Variants in CLIC2 observed in about 807,000 individuals in gnomAD.
CLIC2 encodes CLIC family member 2.
A neutral mutation model predicts 14.8 loss-of-function variants in CLIC2; 9 were observed. The ratio of observed to expected loss-of-function variants is 0.61; its 90% CI spans 0.37 to 1.06. The LOEUF is 1.06. CLIC2 is among the 50% of genes least tolerant of loss of function. The pLI is 0.01. For missense variants in CLIC2, 148 were observed against 181.4 expected (o/e 0.82, Z 1.06); for synonymous variants, 61 against 66.3 (o/e 0.92, Z 0.39).
In CLIC2 at chrX:155,292,570, A is replaced by G. The variant is rs969749071; in HGVS notation, c.293+6215T>C. On this transcript the variant is annotated intron_variant, in intron 3 of 5. Transcript: ENST00000369449. ...CAGATCACGAGGTCAGGAGATCGAG[A>G]CCATCCTGGCTAACACGGTGAAACC... The G allele has an allele frequency of 1.8e-4, 72 of 400,850 alleles. 1 individual carries two copies. The highest frequency in any genetic ancestry group is 5.4e-4 in the Admixed American group (13 of 24,043). The allele number at this position is 400,850 out of a possible 1,213,427, so 33.0% of individuals were successfully genotyped here.
chrX:155,303,895 G>A (rs1557319550), intron 1 of CLIC2, among the ~76,000 whole-genome samples: 1 of 105,413 alleles, frequency 9.5e-6, no homozygotes, highest in African/African-American at 3.5e-5. Context: ...CTTTAAGAAT[G>A]TTGAATATTG....
chrX:155,292,315 T>C, intron 3 of CLIC2: 2 of 566,977 alleles, frequency 3.5e-6, no homozygotes, highest in Non-Finnish European at 6.5e-6. Flanking sequence ...GCACTCTAGG[T>C]TTAACTGAGC....
chrX:155,277,840 T>G lies in CLIC2; in HGVS notation c.*63A>C. On this transcript the variant is annotated 3_prime_UTR_variant, in exon 6 of 6. Coordinates refer to ENST00000369449, the MANE Select transcript of CLIC2 (RefSeq NM_001289.6). ...TTCATATTCTTATTTGCAAAAACCT[T>G]TCTAATATGTCAATAAGTAAAATCT... The G allele has an allele frequency of 9.6e-7, 1 of 1,038,450 alleles. No individual in the cohort carries two copies. The highest frequency in any genetic ancestry group is 1.3e-6 in the Non-Finnish European group (1 of 742,636). 85.6% of individuals were successfully genotyped at this position (1,038,450 alleles called of 1,213,427 possible). A position where few individuals can be genotyped will look rare whatever the true frequency, so the allele number is the denominator to read the frequency against.
intron 3 of CLIC2, chrX:155,292,609 A>T (rs2074973846): frequency 3.6e-6 from 1 of 278,086 alleles, no homozygotes; most frequent in Non-Finnish European, 6.3e-6. Flanking sequence ...TCTCTACTAA[A>T]AATACAAAAA....
intron 1 of CLIC2, among the ~76,000 whole-genome samples, chrX:155,313,370 C>G (rs782263435): frequency 3.2e-4 from 36 of 111,262 alleles, no homozygotes; most frequent in Non-Finnish European, 5.1e-4. Flanking sequence ...TACTGGGTAT[C>G]TACCCAAAGA....
At chrX:155,309,051 T>C (rs782287709) in intron 1 of CLIC2, among the ~76,000 whole-genome samples, 27 of 112,091 alleles carry the variant, frequency 2.4e-4, no homozygotes, top group Non-Finnish European at 3.4e-4. Context: ...AAAGACTAAA[T>C]GATGAACCAA....
Position 155,295,949 on chromosome X carries a change from C to A in CLIC2, c.293+2836G>T, listed in dbSNP as rs184412451. Reference sequence around the variant, plus strand: ...TAAAATTGTGATTTTCCCAAAGTAACCTACAGATTCAATGCAATCCCTGTC... The same window carrying A: ...TAAAATTGTGATTTTCCCAAAGTAAACTACAGATTCAATGCAATCCCTGTC... On this transcript the variant is annotated intron_variant, in intron 3 of 5. Coordinates refer to ENST00000369449, the MANE Select transcript of CLIC2 (RefSeq NM_001289.6). 8.1e-3 allele frequency among the ~76,000 whole-genome samples: 898 copies of A among 111,231 alleles called. 6 individuals carry two copies. The highest frequency in any genetic ancestry group is 9.6e-3 in the Non-Finnish European group (510 of 52,875).
chrX:155,330,946 C>T (rs1228466074), intron 1 of CLIC2, among the ~76,000 whole-genome samples: 6 of 110,324 alleles, frequency 5.4e-5, no homozygotes, highest in Admixed American at 1.9e-4. Flanking sequence ...ATCTATTATG[C>T]GTAGAATTAT....
chrX:155,290,822 G>T, intron 3 of CLIC2: 2 of 630,931 alleles, frequency 3.2e-6, no homozygotes, highest in Non-Finnish European at 5.5e-6. Flanking sequence ...AGCCTGAAAA[G>T]CTTCTCGAGA....
Position 155,309,210 on chromosome X carries a change from G to C in CLIC2, c.58-10065C>G, listed in dbSNP as rs184993560. ...AGTCCCAGCTACTCAGGAGACTGAG[G>C]TAGGAGGATCACCTGAGCTTGGGAA... On this transcript the variant is annotated intron_variant, in intron 1 of 5. Coordinates refer to ENST00000369449, the MANE Select transcript of CLIC2 (RefSeq NM_001289.6). Among the ~76,000 whole-genome samples the C allele has an allele frequency of 4.8e-3, 534 of 112,064 alleles. 1 individual carries two copies. The highest frequency in any genetic ancestry group is 0.016 in the African/African-American group (505 of 30,843).
intron 5 of CLIC2, among the ~76,000 whole-genome samples, chrX:155,278,348 A>C (rs903140509): frequency 1.9e-4 from 21 of 111,978 alleles, no homozygotes; most frequent in Non-Finnish European, 2.4e-4. Flanking sequence ...CACCACGACT[A>C]GACTAAGAGT....
intron 1 of CLIC2, among the ~76,000 whole-genome samples, chrX:155,320,984 T>C (rs2075112299): frequency 9.0e-6 from 1 of 111,110 alleles, no homozygotes; most frequent in South Asian, 3.8e-4. Context: ...ATCAACTTAA[T>C]GAAATAAACC....
chrX:155,284,994 A>C (rs1557316951), intron 3 of CLIC2, among the ~76,000 whole-genome samples: 1 of 112,227 alleles, frequency 8.9e-6, no homozygotes, highest in East Asian at 2.8e-4. Flanking sequence ...GTTCTGAAAA[A>C]GTTGCTTCTG....
chrX:155,304,119 C>T (rs1386830494), intron 1 of CLIC2, among the ~76,000 whole-genome samples: 10 of 107,131 alleles, frequency 9.3e-5, no homozygotes, highest in Admixed American at 9.0e-4. Flanking sequence ...TGAATCTGAA[C>T]GTTGGCCTGC....
chrX:155,297,884 A>AAAAAAAAAAAAAAAAATAG (rs1557318527), intron 3 of CLIC2, among the ~76,000 whole-genome samples: 1 of 45,217 alleles, frequency 2.2e-5, no homozygotes, highest in Non-Finnish European at 4.9e-5. Context: ...AAAAAAAAAA[A>AAAAAAAAAAAAAAAAATAG]AAGAAGGTGA....
intron 1 of CLIC2, among the ~76,000 whole-genome samples, chrX:155,311,923 CTG>C (rs1411627459): frequency 1.8e-5 from 2 of 111,396 alleles, no homozygotes; most frequent in African/African-American, 3.3e-5. Context: ...ATGGGGGAAA[CTG>C]TGCCCATGAT....
At chrX:155,314,000 C>T (rs1423006578) in intron 1 of CLIC2, among the ~76,000 whole-genome samples, 17 of 111,114 alleles carry the variant, frequency 1.5e-4, no homozygotes, top group African/African-American at 5.2e-4. Context: ...GGCCTGGGAA[C>T]CACACCCCCA....
At chrX:155,290,924 C>T (rs1337093836) in intron 3 of CLIC2, 1 of 699,043 alleles carries the variant, frequency 1.4e-6, no homozygotes, top group East Asian at 3.2e-5. Flanking sequence ...ATAATTCTTC[C>T]TCAGCTGCAG....
At chrX:155,303,356 A>T in intron 1 of CLIC2, among the ~76,000 whole-genome samples, 1 of 56,627 alleles carries the variant, frequency 1.8e-5, no homozygotes, top group Non-Finnish European at 3.4e-5. Flanking sequence ...GTCTCTTTTG[A>T]TCTTTGTTGG....
Sources: allele counts gnomAD v4.1 joint callset (sites outside exome capture counted in the v4.1 genomes callset), GRCh38; gene constraint gnomAD v4.1.1; transcripts MANE v1.5; gene names NCBI Gene and HGNC (gene_info 2026-07-23, HGNC 2026-07-21).